Variants in CDH2 observed in about 807,000 individuals in gnomAD.
CDH2 encodes the protein cadherin-2.
A neutral mutation model predicts 92.0 loss-of-function variants in CDH2; 17 were observed. That is an observed-to-expected ratio of 0.18 (90% CI 0.13 to 0.28). The LOEUF (loss-of-function observed/expected upper bound fraction) is 0.28, where lower values mean the gene tolerates loss of function less well. CDH2 is among the 10% of genes least tolerant of loss of function. The probability of loss-of-function intolerance (pLI) is 1.00; values close to 1 mark genes in which losing one functional copy is unlikely to be tolerated. For missense variants in CDH2, 862 were observed against 1,133.1 expected (o/e 0.76, Z 3.44); for synonymous variants, 419 against 415.9 (o/e 1.01, Z -0.09).
At chr18:27,935,868 A>C (rs1239102795) in intron 6 of CDH2, among the ~76,000 whole-genome samples, 2 of 152,222 alleles carry the variant, frequency 1.3e-5, no homozygotes, top group Non-Finnish European at 2.9e-5. Context: ...GTCTCTTAAG[A>C]ATTAAAAAGC....
At chr18:27,989,392 A>G (rs1249520681) in intron 10 of CDH2, among the ~76,000 whole-genome samples, 2 of 152,196 alleles carry the variant, frequency 1.3e-5, no homozygotes, top group African/African-American at 4.8e-5. Flanking sequence ...CTATTTATTA[A>G]TAGTTATCTT....
chr18:28,036,338 C>A (rs2013826823), intron 2 of CDH2: 1 of 643,302 alleles, frequency 1.6e-6, no homozygotes, highest in African/African-American at 1.8e-5. Flanking sequence ...AACAGAAATT[C>A]ACATAAGCAT....
intron 2 of CDH2, among the ~76,000 whole-genome samples, chr18:28,084,741 AG>A (rs1208742770): frequency 1.3e-5 from 2 of 152,152 alleles, no homozygotes; most frequent in Non-Finnish European, 1.5e-5. Context: ...AATACAGCAA[AG>A]CACGATCTCT....
chr18:28,040,186 T>A (rs2013922067), intron 2 of CDH2, among the ~76,000 whole-genome samples: 1 of 152,060 alleles, frequency 6.6e-6, no homozygotes, highest in Non-Finnish European at 1.5e-5. Flanking sequence ...CATGCTGGGG[T>A]CCTAACCACT....
chr18:27,947,131 T>A (rs1001536010), downstream of CDH2, among the ~76,000 whole-genome samples: 1 of 151,800 alleles, frequency 6.6e-6, no homozygotes. Context: ...ATTGCCGTTA[T>A]GATTGTTTGT....
In CDH2 at chr18:28,147,784, C is replaced by CCTG; in HGVS notation, c.61-3_61-1dup (p.Gln20dup). On this transcript the variant is annotated inframe_insertion and splice_region_variant. Transcript: ENST00000269141. ...ATTTCACCAGAAGCCTCTACAGACGCCTGCAACACAAGAAAAAAAAAAAAA... is the reference window on the plus strand; with the variant it reads ...ATTTCACCAGAAGCCTCTACAGACGCCTGCTGCAACACAAGAAAAAAAAAAAAA... The CCTG allele has an allele frequency of 6.4e-7, 1 of 1,560,814 alleles. No individual in the cohort carries two copies. The highest frequency in any genetic ancestry group is 8.7e-7 in the Non-Finnish European group (1 of 1,149,236).
intron 2 of CDH2, among the ~76,000 whole-genome samples, chr18:28,016,465 C>T (rs1406942443): frequency 6.6e-6 from 1 of 151,978 alleles, no homozygotes; most frequent in Admixed American, 6.6e-5. Context: ...AACCCAGGGA[C>T]TTCAAAAAAT....
Position 27,952,091 on chromosome 18 carries a change from C to A in CDH2, c.*62G>T. 2 of 1,403,504 alleles carry A rather than the reference C, an allele frequency of 1.4e-6. No homozygotes were observed. Among genetic ancestry groups the A allele is most frequent in the Non-Finnish European group, 2.0e-6 (2 of 990,124 alleles). The allele number at this position is 1,403,504 out of a possible 1,614,324, so 86.9% of individuals were successfully genotyped here. On this transcript the variant is annotated 3_prime_UTR_variant, in exon 16 of 16. Coordinates refer to ENST00000269141, the MANE Select transcript of CDH2 (RefSeq NM_001792.5). ...AAAGTTAAAGCCTAGCTTCTGAATG[C>A]TTTTTGGGAATATCAGTTGAAATTG...
intron 2 of CDH2, among the ~76,000 whole-genome samples, chr18:28,034,996 A>G (rs1003870538): frequency 2.6e-5 from 4 of 152,056 alleles, no homozygotes; most frequent in African/African-American, 9.7e-5. Flanking sequence ...TCTGGAAAAG[A>G]AAATTAAGCT....
chr18:28,169,715 T>G (rs1449342551), intron 1 of CDH2, among the ~76,000 whole-genome samples: 1 of 152,228 alleles, frequency 6.6e-6, no homozygotes, highest in African/African-American at 2.4e-5. Flanking sequence ...GAACAGATCA[T>G]GGATCAAACA....
intron 2 of CDH2, among the ~76,000 whole-genome samples, chr18:28,064,596 T>C (rs2014470332): frequency 6.6e-6 from 1 of 151,148 alleles, no homozygotes; most frequent in African/African-American, 2.4e-5. Flanking sequence ...ATGATGGGGA[T>C]GAATGGAACT....
At chr18:27,990,964 T>C (rs1041067223) in intron 9 of CDH2, among the ~76,000 whole-genome samples, 2 of 152,214 alleles carry the variant, frequency 1.3e-5, no homozygotes, top group African/African-American at 4.8e-5. Context: ...CTTTTCCTCT[T>C]AGCAAACTAA....
intron 2 of CDH2, among the ~76,000 whole-genome samples, chr18:28,036,281 A>G (rs997753510): frequency 1.6e-4 from 25 of 152,130 alleles, no homozygotes; most frequent in Admixed American, 1.6e-3. Flanking sequence ...CCCCCATAAA[A>G]TACATTTGCA....
In CDH2 at chr18:27,963,339, A is replaced by T; in HGVS notation, c.2514+18T>A. 1 of 1,612,016 alleles carries T rather than the reference A, an allele frequency of 6.2e-7. No homozygotes were observed. Among genetic ancestry groups the T allele is most frequent in the Non-Finnish European group, 8.5e-7 (1 of 1,178,354 alleles). On this transcript the variant is annotated intron_variant, in intron 15 of 15. Coordinates refer to ENST00000269141, the MANE Select transcript of CDH2 (RefSeq NM_001792.5). ...TGAAATGAAAACTCTTATAGAGAAA[A>T]CGAGTGTCTCTCTGTACCTCATTAA...
chr18:28,036,733 C>T, intron 2 of CDH2: 1 of 588,252 alleles, frequency 1.7e-6, no homozygotes, highest in Non-Finnish European at 3.0e-6. Context: ...GCCCTTATTA[C>T]ATCTGATTCA....
chr18:28,137,208 A>G (rs2015877265), intron 2 of CDH2, among the ~76,000 whole-genome samples: 1 of 152,192 alleles, frequency 6.6e-6, no homozygotes, highest in Non-Finnish European at 1.5e-5. Flanking sequence ...ACAAAGAATG[A>G]CTGGCTCTCA....
intron 14 of CDH2, among the ~76,000 whole-genome samples, chr18:27,976,433 A>C (rs2011832543): frequency 6.6e-6 from 1 of 152,202 alleles, no homozygotes; most frequent in South Asian, 2.1e-4. Context: ...TGGATGTTCC[A>C]GTTCTGCTTC....
At position 28,159,381 on chromosome 18, in the gene CDH2, C is replaced by CA. The variant is rs1293725876; in HGVS notation, c.61-11598dup. On this transcript the variant is annotated intron_variant, in intron 1 of 15. Transcript: ENST00000269141. ...GGGGGACTTGCCAATAGATGAAGGC[C>CA]ATGCCTGCCACCCTAGTGCTTATCA... 4.6e-5 allele frequency: 7 copies of CA among 152,312 alleles called. No homozygotes were observed. In the East Asian group the frequency reaches 1.4e-3, roughly 29 times the overall value. 9.4% of individuals were successfully genotyped at this position (152,312 alleles called of 1,614,324 possible).
intron 7 of CDH2, among the ~76,000 whole-genome samples, chr18:27,996,351 G>A (rs748349785): frequency 8.5e-5 from 13 of 152,056 alleles, no homozygotes; most frequent in Non-Finnish European, 1.6e-4. Context: ...GACATCTAAT[G>A]GGTAGAGGCC....
Sources: allele counts gnomAD v4.1 joint callset (sites outside exome capture counted in the v4.1 genomes callset), GRCh38; gene constraint gnomAD v4.1.1; transcripts MANE v1.5; gene names NCBI Gene and HGNC (gene_info 2026-07-23, HGNC 2026-07-21).